The following GCA variants were observed in gnomAD, a reference collection of about 807,000 sequenced individuals.
GCA encodes the protein grancalcin, EF-hand calcium-binding protein.
A neutral mutation model predicts 32.6 loss-of-function variants in GCA; 30 were observed. The ratio of observed to expected loss-of-function variants is 0.92; its 90% confidence interval spans 0.69 to 1.25. The LOEUF (loss-of-function observed/expected upper bound fraction) is 1.25. GCA is among the 50% of genes most tolerant of loss of function. The pLI, the probability that GCA is intolerant of heterozygous loss-of-function variation, is 0.00. For synonymous variants in GCA, 102 were observed against 84.6 expected, an observed-to-expected ratio of 1.21 and a Z score of -1.13; for missense variants, 291 against 266.8, an observed-to-expected ratio of 1.09 and a Z score of -0.63.
intron 1 of GCA, among the ~76,000 whole-genome samples, chr2:162,326,692 A>AT (rs1479395614): frequency 6.6e-6 from 1 of 151,942 alleles, no homozygotes; most frequent in Non-Finnish European, 1.5e-5. Context: ...AATTTTTTGT[A>AT]TTTTTAGTAG....
At position 162,344,189 on chromosome 2, in the gene GCA, T is replaced by G; in HGVS notation, c.-60T>G. ...CTCCTTGCACCTGCGCCTGTGCTTT[T>G]TCTCCCAGCACTGCGGACGCGACTC... is the stretch of plus-strand genomic sequence containing the variant. On this transcript the variant is annotated 5_prime_UTR_variant, in exon 1 of 8. Transcript: ENST00000437150. The G allele has an allele frequency of 6.2e-7, 1 of 1,603,534 alleles. No individual in the cohort carries two copies. Among genetic ancestry groups the G allele is most frequent in the Non-Finnish European group, 8.5e-7 (1 of 1,170,902 alleles).
chr2:162,335,387 C>A (rs919918239), intron 1 of GCA, among the ~76,000 whole-genome samples: 1 of 148,970 alleles, frequency 6.7e-6, no homozygotes, highest in East Asian at 2.0e-4. Context: ...TGCACTCCAG[C>A]CTGGATGACA....
intron 2 of GCA, 110 bp downstream of exon 2, chr2:162,347,852 G>C: frequency 1.8e-6 from 1 of 564,788 alleles, no homozygotes. Context: ...TATTTTATAT[G>C]TATCTAGACT....
intron 2 of GCA, among the ~76,000 whole-genome samples, chr2:162,350,969 C>T (rs1684964268): frequency 1.3e-5 from 2 of 152,094 alleles, no homozygotes; most frequent in African/African-American, 2.4e-5. Flanking sequence ...CTTAGGTATA[C>T]TGCTCCTGGA....
intron 2 of GCA, among the ~76,000 whole-genome samples, chr2:162,351,957 A>G (rs1685020600): frequency 6.6e-6 from 1 of 152,190 alleles, no homozygotes; most frequent in African/African-American, 2.4e-5. Flanking sequence ...AGTATTATTT[A>G]TAAATAATCT....
downstream of GCA, chr2:162,373,597 A>G (rs756491551): frequency 4.4e-6 from 7 of 1,574,982 alleles, no homozygotes; most frequent in Non-Finnish European, 5.2e-6. Flanking sequence ...TGGGGGGACC[A>G]CAGTGGTTTG....
intron 1 of GCA, among the ~76,000 whole-genome samples, chr2:162,326,848 G>C (rs1269178273): frequency 6.6e-6 from 1 of 152,062 alleles, no homozygotes; most frequent in Non-Finnish European, 1.5e-5. Context: ...AAAAACTCAG[G>C]GTATGATGGA....
At position 162,352,381 on chromosome 2, in the gene GCA, A is replaced by T. The variant is rs1685046576; in HGVS notation, c.236A>T (p.Gln79Leu). 1 of 1,592,688 alleles carries T rather than the reference A, an allele frequency of 6.3e-7. No individual in the cohort carries two copies. The highest frequency in any genetic ancestry group is 8.6e-7 in the Non-Finnish European group (1 of 1,160,678). ...GAAGAACTTCAGAGATGTTTGACAC[A>T]GTCTGGAATTAATGGAACTTACTCT... ...DAEELQRCLTQSGINGTYSPF... is the reference protein window; with the variant it reads ...DAEELQRCLTLSGINGTYSPF... The change falls in exon 3 of 8, where the codon CAG becomes CTG. Residue 79 changes from glutamine (Q) to leucine (L), a missense_variant. Gln to Leu is a moderately radical substitution (Grantham distance 113, BLOSUM62 -2). Transcript: ENST00000437150.
upstream of GCA, among the ~76,000 whole-genome samples, chr2:162,341,957 C>T (rs780605997): frequency 2.0e-5 from 3 of 151,980 alleles, no homozygotes; most frequent in Admixed American, 6.5e-5. Context: ...CCTAGTACGT[C>T]GTATTCACTC....
At chr2:162,319,581 T>G (rs1270554490) in intron 1 of GCA, among the ~76,000 whole-genome samples, 2 of 151,798 alleles carry the variant, frequency 1.3e-5, no homozygotes, top group Non-Finnish European at 2.9e-5. Flanking sequence ...CATCAACATT[T>G]GTCTATGTCA....
At chr2:162,368,321 G>A (rs1254970086) in intron 4 of GCA, among the ~76,000 whole-genome samples, 1 of 151,864 alleles carries the variant, frequency 6.6e-6, no homozygotes, top group Non-Finnish European at 1.5e-5. Flanking sequence ...TCATAGATAA[G>A]TAATTTACAT....
At chr2:162,322,977 C>T (rs901953400) in intron 1 of GCA, among the ~76,000 whole-genome samples, 2 of 151,854 alleles carry the variant, frequency 1.3e-5, no homozygotes, top group African/African-American at 4.9e-5. Context: ...CCTGAGGAAT[C>T]ACCACACTGA....
At position 162,362,709 on chromosome 2, in the gene GCA, G is replaced by A. The variant is rs1430674007; in HGVS notation, c.*2466G>A. ...ATGCTTCAGTTCAAATAACAGTGCA[G>A]TAATTCACCTATATCTAAAAGACTG... On this transcript the variant is annotated 3_prime_UTR_variant, in exon 8 of 8. Coordinates refer to ENST00000437150, the MANE Select transcript of GCA (RefSeq NM_012198.5). 2 of 318,164 alleles carry A rather than the reference G, an allele frequency of 6.3e-6. No individual in the cohort carries two copies. Among genetic ancestry groups the A allele is most frequent in the Non-Finnish European group, 9.1e-6 (2 of 220,242 alleles). The allele number at this position is 318,164 out of a possible 1,614,324, so 19.7% of individuals were successfully genotyped here.
intron 1 of GCA, among the ~76,000 whole-genome samples, chr2:162,323,064 C>A (rs1447257995): frequency 6.6e-6 from 1 of 151,872 alleles, no homozygotes; most frequent in Non-Finnish European, 1.5e-5. Context: ...TCCTCTCCAT[C>A]ACCTGTTGTT....
chr2:162,321,687 T>C (rs1189242442), intron 1 of GCA, among the ~76,000 whole-genome samples: 1 of 151,760 alleles, frequency 6.6e-6, no homozygotes, highest in East Asian at 1.9e-4. Context: ...AATACATCAG[T>C]TGTAAAATGG....
chr2:162,344,042 T>G (rs745601861), upstream of GCA: 80 of 608,804 alleles, frequency 1.3e-4, 1 homozygote, highest in African/African-American at 1.5e-4. Flanking sequence ...CTGAGTTGGC[T>G]CCAAAGTGTG....
downstream of GCA, among the ~76,000 whole-genome samples, chr2:162,363,228 G>A (rs1685650590): frequency 6.6e-6 from 1 of 151,210 alleles, no homozygotes; most frequent in South Asian, 2.1e-4. Context: ...TTAATATCTG[G>A]TGAATTAAAT....
intron 1 of GCA, among the ~76,000 whole-genome samples, chr2:162,324,690 C>T (rs1683812653): frequency 6.6e-6 from 1 of 152,202 alleles, no homozygotes; most frequent in Non-Finnish European, 1.5e-5. Flanking sequence ...AAAGCCCTAG[C>T]TAGGGATCAC....
intron 1 of GCA, among the ~76,000 whole-genome samples, chr2:162,334,257 ATTATAGATTT>A (rs1184760343): frequency 6.6e-6 from 1 of 151,888 alleles, no homozygotes; most frequent in Non-Finnish European, 1.5e-5. Flanking sequence ...ACTATGTACA[ATTATAGATTT>A]TTTTTTTTGC....
Sources: gnomAD v4.1 joint callset for allele counts (sites outside exome capture counted in the v4.1 genomes callset) on GRCh38, gnomAD v4.1.1 for gene constraint, MANE v1.5 for transcripts, NCBI Gene and HGNC (gene_info 2026-07-23, HGNC 2026-07-21) for gene names.